ZFPM2: variants seen among roughly 807,000 people sequenced by gnomAD.
ZFPM2 encodes zinc finger protein, FOG family member 2.
In ZFPM2, 20 loss-of-function variants were observed where a neutral mutation model predicts 98.6. The observed-to-expected ratio is 0.20, with a 90% CI of 0.14 to 0.29. ZFPM2 has a LOEUF of 0.29. ZFPM2 is among the 10% of genes least tolerant of loss of function. The pLI, the probability that ZFPM2 is intolerant of heterozygous loss-of-function variation, is 1.00. For missense variants in ZFPM2, 1,310 were observed against 1,388.6 expected, an observed-to-expected ratio of 0.94 and a Z score of 0.90; for synonymous variants, 518 against 502.7, an observed-to-expected ratio of 1.03 and a Z score of -0.41.
intron 1 of ZFPM2, among the ~76,000 whole-genome samples, chr8:105,403,686 G>A (rs1465307488): frequency 1.3e-5 from 2 of 151,666 alleles, no homozygotes; most frequent in Admixed American, 6.6e-5. Context: ...TTTTAACAGA[G>A]ATATAGCCTG....
chr8:105,472,769 A>G (rs1056283199), intron 3 of ZFPM2, among the ~76,000 whole-genome samples: 40 of 151,692 alleles, frequency 2.6e-4, no homozygotes, highest in Admixed American at 8.5e-4. Flanking sequence ...CGGCCTCTCA[A>G]AATGCTGGGA....
chr8:105,752,537 G>T (rs180703927), intron 5 of ZFPM2, among the ~76,000 whole-genome samples: 1 of 152,124 alleles, frequency 6.6e-6, no homozygotes, highest in Non-Finnish European at 1.5e-5. Context: ...TTTAAAGCCC[G>T]TGGACGTTCT....
intron 5 of ZFPM2, among the ~76,000 whole-genome samples, chr8:105,695,759 G>T (rs1207819261): frequency 6.6e-6 from 1 of 152,062 alleles, no homozygotes; most frequent in Admixed American, 6.5e-5. Context: ...TACTATTATA[G>T]AAATATATAG....
chr8:105,383,741 C>T (rs1391651719), intron 1 of ZFPM2, among the ~76,000 whole-genome samples: 1 of 151,992 alleles, frequency 6.6e-6, no homozygotes, highest in African/African-American at 2.4e-5. Context: ...TTGTTTACAG[C>T]TTAAAAAATA....
intron 1 of ZFPM2, among the ~76,000 whole-genome samples, chr8:105,384,172 C>T (rs1053660261): frequency 6.6e-6 from 1 of 152,106 alleles, no homozygotes; most frequent in African/African-American, 2.4e-5. Context: ...CATTCATTGT[C>T]TTAGGGATGG....
At chr8:105,515,911 C>CTTTTTTTTTT (rs34183654) in intron 3 of ZFPM2, among the ~76,000 whole-genome samples, 2 of 89,278 alleles carry the variant, frequency 2.2e-5, no homozygotes, top group Non-Finnish European at 4.0e-5. Context: ...AAAACAACTT[C>CTTTTTTTTTT]TTTTTTTTTT....
intron 5 of ZFPM2, among the ~76,000 whole-genome samples, chr8:105,755,032 A>G (rs1753349974): frequency 6.6e-6 from 1 of 151,970 alleles, no homozygotes; most frequent in East Asian, 1.9e-4. Context: ...TAGTTGTAGC[A>G]GCATGAAGTG....
At chr8:105,351,774 T>A (rs1469849499) in intron 1 of ZFPM2, among the ~76,000 whole-genome samples, 5 of 152,286 alleles carry the variant, frequency 3.3e-5, no homozygotes, top group Admixed American at 6.5e-5. Context: ...GTTTTTTTTT[T>A]AATATTCAAA....
intron 3 of ZFPM2, among the ~76,000 whole-genome samples, chr8:105,478,149 CG>C (rs893932408): frequency 4.6e-5 from 7 of 152,158 alleles, no homozygotes; most frequent in African/African-American, 1.7e-4. Flanking sequence ...CGGCTGACCA[CG>C]GGAATGGAAG....
chr8:105,514,056 G>T (rs1225604093), intron 3 of ZFPM2, among the ~76,000 whole-genome samples: 1 of 150,374 alleles, frequency 6.7e-6, no homozygotes, highest in African/African-American at 2.5e-5. Context: ...AGGATGGAGT[G>T]CAGTGGCATG....
chr8:105,750,709 A>G (rs1461901148), intron 5 of ZFPM2, among the ~76,000 whole-genome samples: 1 of 151,992 alleles, frequency 6.6e-6, no homozygotes, highest in Non-Finnish European at 1.5e-5. Flanking sequence ...CAACAGTAAT[A>G]CTCATAGTTT....
chr8:105,604,398 G>C (rs1816154654), intron 4 of ZFPM2, among the ~76,000 whole-genome samples: 1 of 152,024 alleles, frequency 6.6e-6, no homozygotes, highest in Admixed American at 6.6e-5. Context: ...GTCCCACAAA[G>C]ACTGGTCATC....
chr8:105,447,819 TAATG>T (rs907400638), intron 3 of ZFPM2, among the ~76,000 whole-genome samples: 1 of 152,096 alleles, frequency 6.6e-6, no homozygotes, highest in African/African-American at 2.4e-5. Context: ...CTGAATTAAA[TAATG>T]AATCAACTCC....
intron 5 of ZFPM2, among the ~76,000 whole-genome samples, chr8:105,717,331 C>T (rs2130988867): frequency 6.6e-6 from 1 of 152,080 alleles, no homozygotes; most frequent in South Asian, 2.1e-4. Flanking sequence ...AGATTTTCCT[C>T]ACCACCACAG....
In ZFPM2 at chr8:105,525,639, A is replaced by C. The variant is rs1218664115; in HGVS notation, c.302-35724A>C. 6.6e-5 allele frequency among the ~76,000 whole-genome samples: 10 copies of C among 152,308 alleles called. No individual in the cohort carries two copies. The East Asian group carries it at 1.7e-3, about 26-fold the overall frequency. ...TAGGCAGTTAGGTGATATGATTTCC[A>C]TGTCCTCCGTAAGATTAAATTGATT... On this transcript the variant is annotated intron_variant, in intron 3 of 7. Coordinates refer to ENST00000407775, the MANE Select transcript of ZFPM2 (RefSeq NM_012082.4).
chr8:105,508,895 G>A (rs1285753458), intron 3 of ZFPM2, among the ~76,000 whole-genome samples: 2 of 150,656 alleles, frequency 1.3e-5, no homozygotes, highest in Non-Finnish European at 2.9e-5. Flanking sequence ...TCTTGCTCCA[G>A]TGCAGCAAGC....
chr8:105,524,293 CTT>C (rs977163685), intron 3 of ZFPM2, among the ~76,000 whole-genome samples: 1 of 152,068 alleles, frequency 6.6e-6, no homozygotes, highest in Non-Finnish European at 1.5e-5. Flanking sequence ...AGGAGAAGGT[CTT>C]TGATTCTCAA....
intron 1 of ZFPM2, among the ~76,000 whole-genome samples, chr8:105,377,618 A>C (rs1369601587): frequency 6.8e-6 from 1 of 148,040 alleles, no homozygotes; most frequent in African/African-American, 2.5e-5. Flanking sequence ...AAAAAAAAAA[A>C]AAAAAAAAAA....
chr8:105,501,985 T>C (rs1198571307), intron 3 of ZFPM2, among the ~76,000 whole-genome samples: 3 of 152,134 alleles, frequency 2.0e-5, no homozygotes, highest in Non-Finnish European at 4.4e-5. Context: ...TATGGAATTA[T>C]ACATCAAAGT....
Sources: gnomAD v4.1 joint callset for allele counts (sites outside exome capture counted in the v4.1 genomes callset) on GRCh38, gnomAD v4.1.1 for gene constraint, MANE v1.5 for transcripts, NCBI Gene and HGNC (gene_info 2026-07-23, HGNC 2026-07-21) for gene names.